The following GABRG3 variants were observed in gnomAD, a reference collection of about 807,000 sequenced individuals.
GABRG3 encodes the protein gamma-aminobutyric acid receptor subunit gamma-3.
A neutral mutation model predicts 48.8 loss-of-function variants in GABRG3; 25 were observed. The observed-to-expected ratio is 0.51, with a 90% CI of 0.37 to 0.72. The LOEUF is 0.72. Ranked by LOEUF, GABRG3 falls within the 30% of genes least tolerant of loss-of-function variation. The pLI, the probability that GABRG3 is intolerant of heterozygous loss-of-function variation, is 0.00. For missense variants in GABRG3, 394 were observed against 577.9 expected (o/e 0.68, Z 3.26); for synonymous variants, 227 against 217.6 (o/e 1.04, Z -0.38).
intron 3 of GABRG3, among the ~76,000 whole-genome samples, chr15:27,246,316 T>C (rs1890269492): frequency 6.6e-6 from 1 of 152,188 alleles, no homozygotes; most frequent in Non-Finnish European, 1.5e-5. Flanking sequence ...TATGGTATAT[T>C]CTTTACATGG....
chr15:27,258,277 A>C (rs545313852), intron 3 of GABRG3, among the ~76,000 whole-genome samples: 2 of 152,338 alleles, frequency 1.3e-5, no homozygotes, highest in East Asian at 3.9e-4. Context: ...TTTAATGCCC[A>C]ACATAAACAA....
chr15:27,158,592 T>C (rs553163506), intron 3 of GABRG3, among the ~76,000 whole-genome samples: 3 of 152,352 alleles, frequency 2.0e-5, no homozygotes, highest in Admixed American at 1.3e-4. Flanking sequence ...AAGATTTCTA[T>C]CTGAGAGAGA....
intron 3 of GABRG3, among the ~76,000 whole-genome samples, chr15:27,162,204 G>A (rs1294334053): frequency 6.6e-6 from 1 of 152,144 alleles, no homozygotes; most frequent in Non-Finnish European, 1.5e-5. Flanking sequence ...TTTCCTGGGA[G>A]AGAGCCCAAC....
chr15:27,406,011 A>G (rs1887623002), intron 5 of GABRG3, among the ~76,000 whole-genome samples: 1 of 152,146 alleles, frequency 6.6e-6, no homozygotes, highest in Non-Finnish European at 1.5e-5. Flanking sequence ...TTAATAATGA[A>G]GCCAGCCCAG....
At position 27,206,434 on chromosome 15, in the gene GABRG3, G is replaced by A. The variant is rs143069468; in HGVS notation, c.271-120375G>A. ...CTGAAAGTGTGGCTGGTATGATTTCGTTTTTTGGAATTTGTTGAGAATTGC... is the reference window on the plus strand; with the variant it reads ...CTGAAAGTGTGGCTGGTATGATTTCATTTTTTGGAATTTGTTGAGAATTGC... On this transcript the variant is annotated intron_variant, in intron 3 of 9. Transcript: ENST00000615808. 5.9e-3 allele frequency among the ~76,000 whole-genome samples: 896 copies of A among 152,090 alleles called. 3 individuals carry two copies. Among genetic ancestry groups the A allele is most frequent in the African/African-American group, 0.02 (828 of 41,510 alleles).
intron 3 of GABRG3, among the ~76,000 whole-genome samples, chr15:27,242,202 A>G (rs1362854508): frequency 6.6e-6 from 1 of 152,204 alleles, no homozygotes. Flanking sequence ...TCTTTTTAGC[A>G]ACAGCTCAGA....
intron 3 of GABRG3, among the ~76,000 whole-genome samples, chr15:27,104,377 A>C (rs1421480797): frequency 6.6e-6 from 1 of 152,188 alleles, no homozygotes; most frequent in Non-Finnish European, 1.5e-5. Context: ...GTGGCGCGTG[A>C]GTTTGAGTAT....
Position 26,976,958 on chromosome 15 carries a change from C to A in GABRG3, c.54-44C>A. On this transcript the variant is annotated intron_variant, in intron 1 of 9. Coordinates refer to ENST00000615808, the MANE Select transcript of GABRG3 (RefSeq NM_033223.5). The surrounding 1 kb of genome is among the most constrained non-coding windows in gnomAD (Gnocchi z 7.8). The stretch of plus-strand genomic sequence containing the variant: ...GACAAACTTAGGCTCTTCCTAGAGC[C>A]ATTGCTGCCACTTATATGTCGCATT... 6.2e-7 allele frequency: 1 copy of A among 1,610,530 alleles called. No homozygotes were observed. Among genetic ancestry groups the A allele is most frequent in the Non-Finnish European group, 8.5e-7 (1 of 1,177,270 alleles).
At chr15:27,398,583 G>T (rs1194146760) in intron 5 of GABRG3, among the ~76,000 whole-genome samples, 3 of 151,936 alleles carry the variant, frequency 2.0e-5, no homozygotes, top group Admixed American at 6.6e-5. Flanking sequence ...TACCAATGTG[G>T]TATAGTGGAA....
intron 3 of GABRG3, among the ~76,000 whole-genome samples, chr15:27,061,409 T>C (rs544818648): frequency 2.6e-5 from 4 of 151,848 alleles, no homozygotes; most frequent in African/African-American, 9.7e-5. Flanking sequence ...TTAATAAGTC[T>C]ATCGTAACAA....
intron 3 of GABRG3, among the ~76,000 whole-genome samples, chr15:27,148,229 G>A (rs1401685722): frequency 2.6e-5 from 4 of 151,766 alleles, no homozygotes; most frequent in Admixed American, 2.6e-4. Flanking sequence ...ATTAGTTGCA[G>A]TGAATTTATT....
chr15:27,201,624 G>C (rs1888687480), intron 3 of GABRG3, among the ~76,000 whole-genome samples: 1 of 152,068 alleles, frequency 6.6e-6, no homozygotes. Context: ...CTATTACACA[G>C]CATCCCTATA....
intron 3 of GABRG3, among the ~76,000 whole-genome samples, chr15:27,306,637 TTTA>T (rs1892490526): frequency 1.5e-5 from 1 of 65,954 alleles, no homozygotes; most frequent in Non-Finnish European, 3.4e-5. Context: ...TAAACATATA[TTTA>T]TATATAAACA....
At chr15:27,099,755 TAAGAG>T (rs1354677623) in intron 3 of GABRG3, among the ~76,000 whole-genome samples, 53 of 151,156 alleles carry the variant, frequency 3.5e-4, no homozygotes, top group Non-Finnish European at 1.6e-4. Flanking sequence ...CCTGGAAAGA[TAAGAG>T]AAGTAGAAGA....
At position 27,306,481 on chromosome 15, in the gene GABRG3, C is replaced by CAT. The variant is rs1197583553; in HGVS notation, c.271-20320_271-20319dup. 1.7e-3 allele frequency among the ~76,000 whole-genome samples: 226 copies of CAT among 136,308 alleles called. 10 individuals are homozygous for CAT. The highest frequency in any genetic ancestry group is 5.8e-3 in the African/African-American group (215 of 36,814). The allele number at this position is 136,308 out of a possible 152,430, so 89.4% of individuals were successfully genotyped here. On this transcript the variant is annotated intron_variant, in intron 3 of 9. Transcript: ENST00000615808. ...AAACATAAACATGTCTATATATAAA[C>CAT]ATATATATAATATAAACATATGTCT...
intron 3 of GABRG3, among the ~76,000 whole-genome samples, chr15:27,068,782 G>A (rs557057245): frequency 1.3e-5 from 2 of 152,314 alleles, no homozygotes; most frequent in East Asian, 3.9e-4. Context: ...AAGTGGGTGA[G>A]TTGTATCTTC....
At chr15:27,466,314 A>T (rs1458662388) in intron 5 of GABRG3, among the ~76,000 whole-genome samples, 1 of 152,194 alleles carries the variant, frequency 6.6e-6, no homozygotes, top group African/African-American at 2.4e-5. Flanking sequence ...TTTGTAACTG[A>T]TGATTCCCCT....
At chr15:27,285,020 C>A (rs1218056280) in intron 3 of GABRG3, among the ~76,000 whole-genome samples, 1 of 152,050 alleles carries the variant, frequency 6.6e-6, no homozygotes, top group Admixed American at 6.5e-5. Flanking sequence ...CTGAGGGTTT[C>A]TTTTACTTTG....
intron 5 of GABRG3, among the ~76,000 whole-genome samples, chr15:27,351,324 GGTGT>G (rs554737853): frequency 7.1e-6 from 1 of 141,546 alleles, no homozygotes. Flanking sequence ...GTATGTGTAT[GGTGT>G]GTGTGTGTAT....
Sources: gnomAD v4.1 joint callset for allele counts (sites outside exome capture counted in the v4.1 genomes callset) on GRCh38, gnomAD v4.1.1 for gene constraint, Gnocchi (gnomAD v3.1) non-coding constraint, MANE v1.5 for transcripts, NCBI Gene and HGNC (gene_info 2026-07-23, HGNC 2026-07-21) for gene names.